The following PDE1C variants were observed in gnomAD, a reference collection of about 807,000 sequenced individuals.
PDE1C encodes dual specificity calcium/calmodulin-dependent 3',5'-cyclic nucleotide phosphodiesterase 1C.
In PDE1C, 62 loss-of-function variants were observed where a neutral mutation model predicts 93.1. That is an observed-to-expected ratio of 0.67 (90% CI 0.54 to 0.82). The LOEUF (loss-of-function observed/expected upper bound fraction) is 0.82. PDE1C is among the 40% of genes least tolerant of loss of function. The pLI, the probability that PDE1C is intolerant of heterozygous loss-of-function variation, is 0.00. For synonymous variants in PDE1C, 325 were observed against 310.1 expected (o/e 1.05, Z -0.50); for missense variants, 742 against 884.6 (o/e 0.84, Z 2.04).
chr7:32,161,652 G>A (rs548361701), intron 3 of PDE1C, among the ~76,000 whole-genome samples: 2 of 152,184 alleles, frequency 1.3e-5, no homozygotes, highest in African/African-American at 4.8e-5. Context: ...GCATATTTTG[G>A]GTCTTTATGT....
the PDE1C span, among the ~76,000 whole-genome samples, chr7:31,712,604 A>AG: frequency 1.3e-5 from 2 of 152,138 alleles, no homozygotes; most frequent in East Asian, 3.9e-4. Context: ...TGCCCACCTG[A>AG]GGGCTCTGGT....
At chr7:32,183,924 G>C (rs912692162) in intron 2 of PDE1C, among the ~76,000 whole-genome samples, 139 of 152,148 alleles carry the variant, frequency 9.1e-4, no homozygotes, top group African/African-American at 3.3e-3. Context: ...CTAATATCCA[G>C]AATCTACAAT....
chr7:31,864,000 G>T (rs1016782217), intron 7 of PDE1C, among the ~76,000 whole-genome samples: 1 of 151,948 alleles, frequency 6.6e-6, no homozygotes, highest in African/African-American at 2.4e-5. Flanking sequence ...AATGTGCCCT[G>T]GATTTATGGG....
intron 3 of PDE1C, among the ~76,000 whole-genome samples, chr7:32,130,174 A>G (rs1799838062): frequency 1.3e-5 from 2 of 152,036 alleles, no homozygotes; most frequent in African/African-American, 4.8e-5. Flanking sequence ...AGGCAGGACC[A>G]ACAGAAAAGT....
chr7:31,989,541 A>C (rs1783898503), intron 2 of PDE1C, among the ~76,000 whole-genome samples: 1 of 152,332 alleles, frequency 6.6e-6, no homozygotes, highest in African/African-American at 2.4e-5. Context: ...TATATGCACA[A>C]CAATGAGGTT....
chr7:31,617,128 ATCAACTTGT>A, the PDE1C span, among the ~76,000 whole-genome samples: 6 of 152,344 alleles, frequency 3.9e-5, no homozygotes, highest in African/African-American at 1.2e-4. Flanking sequence ...GGTATAATTT[ATCAACTTGT>A]TCAGTTTTTG....
At chr7:31,944,578 G>A (rs950389360) in intron 2 of PDE1C, among the ~76,000 whole-genome samples, 1 of 152,076 alleles carries the variant, frequency 6.6e-6, no homozygotes, top group African/African-American at 2.4e-5. Context: ...TTCCCACATG[G>A]GTTAAATACA....
chr7:32,100,247 T>C (rs186207421), intron 3 of PDE1C, among the ~76,000 whole-genome samples: 1 of 152,348 alleles, frequency 6.6e-6, no homozygotes, highest in East Asian at 1.9e-4. Flanking sequence ...TGTTTTACTA[T>C]GACATTTCTA....
At chr7:31,849,645 G>A (rs1793077209) in intron 8 of PDE1C, among the ~76,000 whole-genome samples, 1 of 152,138 alleles carries the variant, frequency 6.6e-6, no homozygotes, top group Admixed American at 6.6e-5. Flanking sequence ...GTGTGCACCT[G>A]CTTTTTCAAG....
the PDE1C span, among the ~76,000 whole-genome samples, chr7:31,678,771 A>G: frequency 6.6e-6 from 1 of 152,324 alleles, no homozygotes; most frequent in East Asian, 1.9e-4. Context: ...CTATGACTTC[A>G]AATCTTGTGC....
At chr7:31,643,549 G>C in the PDE1C span, 1 of 1,614,028 alleles carries the variant, frequency 6.2e-7, no homozygotes, top group East Asian at 2.2e-5. Context: ...TGTGGCCTTG[G>C]GGACTGGTCC....
chr7:32,217,898 C>A (rs1325129478), intron 1 of PDE1C, among the ~76,000 whole-genome samples: 2 of 152,200 alleles, frequency 1.3e-5, no homozygotes, highest in Non-Finnish European at 2.9e-5. Context: ...CAGACTTAGC[C>A]ATGCCTTTCA....
chr7:31,625,634 AG>A, the PDE1C span, among the ~76,000 whole-genome samples: 1 of 146,594 alleles, frequency 6.8e-6, no homozygotes, highest in Non-Finnish European at 1.5e-5. Context: ...GGGTGGGAGG[AG>A]GGGGGAGGGA....
At chr7:32,306,893 C>T (rs554058392) in intron 1 of PDE1C, among the ~76,000 whole-genome samples, 1 of 152,302 alleles carries the variant, frequency 6.6e-6, no homozygotes, top group East Asian at 1.9e-4. Flanking sequence ...TACCTGTGAG[C>T]ACCTGGGGCT....
chr7:31,749,551 T>C (rs908055513), downstream of PDE1C, among the ~76,000 whole-genome samples: 1 of 152,054 alleles, frequency 6.6e-6, no homozygotes, highest in South Asian at 2.1e-4. Context: ...TGAAAATGTG[T>C]GGTGTAGGGG....
the PDE1C span, among the ~76,000 whole-genome samples, chr7:31,628,746 G>A: frequency 2.0e-5 from 3 of 152,094 alleles, no homozygotes; most frequent in East Asian, 1.9e-4. Context: ...TTGAGCCACC[G>A]CGCCCGGCCT....
chr7:31,754,487 A>G (rs753014467), intron 17 of PDE1C, among the ~76,000 whole-genome samples: 1 of 152,238 alleles, frequency 6.6e-6, no homozygotes, highest in Non-Finnish European at 1.5e-5. Context: ...AGCAACTAAG[A>G]TGTCCTTCAA....
chr7:31,696,778 T>G, the PDE1C span, among the ~76,000 whole-genome samples: 1 of 152,222 alleles, frequency 6.6e-6, no homozygotes, highest in African/African-American at 2.4e-5. Context: ...ACCTTTTGTA[T>G]AGACAAGGTT....
At chr7:31,909,108 T>C (rs528343849) in intron 2 of PDE1C, among the ~76,000 whole-genome samples, 3 of 152,182 alleles carry the variant, frequency 2.0e-5, no homozygotes, top group Admixed American at 1.3e-4. Context: ...ATGTATCTCC[T>C]ACTGGCTCTA....
Sources: allele counts gnomAD v4.1 joint callset (sites outside exome capture counted in the v4.1 genomes callset), GRCh38; gene constraint gnomAD v4.1.1; transcripts MANE v1.5; gene names NCBI Gene and HGNC (gene_info 2026-07-23, HGNC 2026-07-21).